PARD3B: variants seen among roughly 807,000 people sequenced by gnomAD.
PARD3B encodes the protein partitioning defective 3 homolog B.
In PARD3B, 103 loss-of-function variants were observed where a neutral mutation model predicts 130.2. The observed-to-expected ratio is 0.79, with a 90% CI of 0.67 to 0.93. PARD3B has a LOEUF of 0.93. PARD3B is among the 40% of genes least tolerant of loss of function. The pLI is 0.00. For missense variants in PARD3B, 1,609 were observed against 1,499.2 expected, an observed-to-expected ratio of 1.07 and a Z score of -1.21; for synonymous variants, 583 against 553.2, an observed-to-expected ratio of 1.05 and a Z score of -0.76.
At chr2:204,834,611 C>CA (rs1242668936) in intron 2 of PARD3B, among the ~76,000 whole-genome samples, 1 of 152,128 alleles carries the variant, frequency 6.6e-6, no homozygotes. Flanking sequence ...TTATTATCCT[C>CA]ACTAGGAGAT....
rs1212730419 is a variant in PARD3B at position 205,105,446 on chromosome 2, A to G, written c.593+932A>G. On this transcript the variant is annotated intron_variant, in intron 5 of 22. Transcript: ENST00000406610. The surrounding 1 kb of genome is among the most constrained non-coding windows in gnomAD (Gnocchi z 4.0). Reference sequence around the variant, plus strand: ...GCATTAGGTAAAGCTACTGAAGTTTATAATTATTCATGCAGTTGACGTATT... The same window carrying G: ...GCATTAGGTAAAGCTACTGAAGTTTGTAATTATTCATGCAGTTGACGTATT... Among the ~76,000 whole-genome samples the G allele has an allele frequency of 1.3e-5, 2 of 152,226 alleles. No individual in the cohort carries two copies. The highest frequency in any genetic ancestry group is 2.4e-5 in the African/African-American group (1 of 41,464).
At chr2:205,059,266 C>T (rs998645793) in intron 4 of PARD3B, among the ~76,000 whole-genome samples, 2 of 151,972 alleles carry the variant, frequency 1.3e-5, no homozygotes, top group Non-Finnish European at 2.9e-5. Flanking sequence ...TTTCTCAGTC[C>T]TTGATGTGGC....
chr2:204,605,284 ACT>A (rs1460784752), intron 1 of PARD3B, among the ~76,000 whole-genome samples: 2 of 151,796 alleles, frequency 1.3e-5, no homozygotes, highest in African/African-American at 4.8e-5. Flanking sequence ...CCATCTTTAA[ACT>A]CTCACACACT....
chr2:204,979,714 G>A (rs901011714), intron 3 of PARD3B, among the ~76,000 whole-genome samples: 1 of 152,120 alleles, frequency 6.6e-6, no homozygotes, highest in African/African-American at 2.4e-5. Context: ...AGAAATTATA[G>A]CAATAGCCCC....
At chr2:205,437,209 T>C (rs748698272) in intron 19 of PARD3B, among the ~76,000 whole-genome samples, 6 of 152,276 alleles carry the variant, frequency 3.9e-5, no homozygotes, top group African/African-American at 9.6e-5. Flanking sequence ...CTAATTCCAC[T>C]GTAGATAGAA....
At chr2:205,060,878 A>G (rs1429629842) in intron 4 of PARD3B, among the ~76,000 whole-genome samples, 1 of 152,146 alleles carries the variant, frequency 6.6e-6, no homozygotes, top group African/African-American at 2.4e-5. Context: ...TGGCAGTTTC[A>G]CTAGGGTCAT....
At chr2:205,166,120 A>T (rs16837065) in intron 11 of PARD3B, among the ~76,000 whole-genome samples, 9,921 of 152,290 alleles carry the variant, frequency 0.065, 502 homozygotes, top group South Asian at 0.21. Context: ...ACAACAGTGT[A>T]TAGTGGACTA....
rs772457330 is a variant in PARD3B, at chr2:204,699,071, T to C, written c.222+12789T>C. On this transcript the variant is annotated intron_variant, in intron 2 of 22. Coordinates refer to ENST00000406610, the MANE Select transcript of PARD3B (RefSeq NM_001302769.2). ...GCTTCCCCTTAGCTGTGAAGAAGTT[T>C]TGCAATTATCAGTTTTCCCAAAATT... Among the ~76,000 whole-genome samples, 5 of 152,086 alleles carry C rather than the reference T, an allele frequency of 3.3e-5. No individual in the cohort carries two copies. The East Asian group carries it at 9.7e-4, about 29-fold the overall frequency.
intron 1 of PARD3B, among the ~76,000 whole-genome samples, chr2:204,575,090 C>A (rs954152125): frequency 6.6e-6 from 1 of 152,056 alleles, no homozygotes; most frequent in African/African-American, 2.4e-5. Context: ...GAAGACTCAG[C>A]AATTTAGTAA....
intron 2 of PARD3B, among the ~76,000 whole-genome samples, chr2:204,950,824 A>T (rs1481150240): frequency 6.6e-6 from 1 of 152,012 alleles, no homozygotes; most frequent in Non-Finnish European, 1.5e-5. Flanking sequence ...AAATACTGAA[A>T]CCCTGTTTTT....
chr2:205,369,769 G>A (rs183690992), intron 18 of PARD3B, among the ~76,000 whole-genome samples: 99 of 152,296 alleles, frequency 6.5e-4, no homozygotes, highest in African/African-American at 2.0e-3. Context: ...ACAAGGAGCT[G>A]TTTAAGGGCT....
intron 18 of PARD3B, among the ~76,000 whole-genome samples, chr2:205,310,341 C>T (rs558472171): frequency 8.0e-4 from 122 of 152,158 alleles, no homozygotes; most frequent in Non-Finnish European, 1.4e-3. Context: ...CTGCCTCAGC[C>T]TCCCAAAGTG....
intron 1 of PARD3B, among the ~76,000 whole-genome samples, chr2:204,587,478 G>A (rs1266263081): frequency 1.3e-5 from 2 of 152,098 alleles, no homozygotes; most frequent in East Asian, 3.8e-4. Flanking sequence ...TTCTATAATC[G>A]AAATATGAAG....
intron 4 of PARD3B, among the ~76,000 whole-genome samples, chr2:205,066,284 G>A (rs543405909): frequency 6.6e-6 from 1 of 152,076 alleles, no homozygotes; most frequent in Non-Finnish European, 1.5e-5. Flanking sequence ...ACATTTGGTC[G>A]CATGGTTAAC....
chr2:205,191,416 C>T (rs1214931180), intron 14 of PARD3B, among the ~76,000 whole-genome samples: 1 of 152,144 alleles, frequency 6.6e-6, no homozygotes, highest in Non-Finnish European at 1.5e-5. Flanking sequence ...ACCATCAAAC[C>T]ACATCACCCT....
At position 205,151,113 on chromosome 2, in the gene PARD3B, A is replaced by AAT. The variant is rs554120203; in HGVS notation, c.1435-7601_1435-7600dup. Among the ~76,000 whole-genome samples, 13 of 152,286 alleles carry AAT rather than the reference A, an allele frequency of 8.5e-5. No individual in the cohort carries two copies. In the East Asian group the frequency reaches 2.5e-3, roughly 29 times the overall value. The stretch of plus-strand genomic sequence containing the variant: ...TTAAAACACCATGCTGTACTCCATA[A>AAT]ATATATATAATTTTGTTTTGTCATG... On this transcript the variant is annotated intron_variant, in intron 10 of 22. Coordinates refer to ENST00000406610, the MANE Select transcript of PARD3B (RefSeq NM_001302769.2).
At chr2:205,037,260 G>A (rs1264496174) in intron 3 of PARD3B, among the ~76,000 whole-genome samples, 2 of 146,228 alleles carry the variant, frequency 1.4e-5, no homozygotes. Flanking sequence ...TATATATATA[G>A]TGGACTATTT....
chr2:204,608,357 C>T (rs949485847), intron 1 of PARD3B, among the ~76,000 whole-genome samples: 2 of 152,114 alleles, frequency 1.3e-5, no homozygotes, highest in Non-Finnish European at 2.9e-5. Context: ...GGCTTTTTTC[C>T]CGGGAAAGAA....
chr2:204,778,410 C>A (rs983716461), intron 2 of PARD3B, among the ~76,000 whole-genome samples: 1 of 152,100 alleles, frequency 6.6e-6, no homozygotes, highest in Non-Finnish European at 1.5e-5. Flanking sequence ...AAATGAACAA[C>A]ATTTAGGACA....
Sources: allele counts gnomAD v4.1 joint callset (sites outside exome capture counted in the v4.1 genomes callset), GRCh38; gene constraint gnomAD v4.1.1; non-coding constraint Gnocchi (gnomAD v3.1); transcripts MANE v1.5; gene names NCBI Gene and HGNC (gene_info 2026-07-23, HGNC 2026-07-21).